TTC7A: variants seen among roughly 807,000 people sequenced by gnomAD.
TTC7A encodes the protein tetratricopeptide repeat domain 7A.
A neutral mutation model predicts 103.7 loss-of-function variants in TTC7A; 110 were observed. That is an observed-to-expected ratio of 1.06 (90% CI 0.91 to 1.24). The LOEUF (loss-of-function observed/expected upper bound fraction) is 1.24. TTC7A is among the 50% of genes most tolerant of loss of function. TTC7A has a pLI of 0.00. For missense variants in TTC7A, 1,340 were observed against 1,116.3 expected, an observed-to-expected ratio of 1.20 and a Z score of -2.86; for synonymous variants, 521 against 467.9, an observed-to-expected ratio of 1.11 and a Z score of -1.47.
At chr2:46,937,457 T>C (rs572029462), upstream of TTC7A, among the ~76,000 whole-genome samples, 10 of 152,296 alleles carry the variant, frequency 6.6e-5, no homozygotes, top group African/African-American at 2.4e-4. This position sits in a 1 kb window ranked among gnomAD's most constrained non-coding sequence, Gnocchi z 4.0. Context: ...TAAAAGACTC[T>C]TCAAGGCCTA....
intron 5 of TTC7A, among the ~76,000 whole-genome samples, chr2:46,984,546 C>G (rs759330160): frequency 6.6e-6 from 1 of 152,158 alleles, no homozygotes; most frequent in East Asian, 1.9e-4. Flanking sequence ...CATTGAGAGC[C>G]CCCCGACAGC....
At position 47,023,412 on chromosome 2, in the gene TTC7A, C is replaced by G; in HGVS notation, c.1515C>G (p.Thr505=). 1 of 1,613,982 alleles carries G rather than the reference C, an allele frequency of 6.2e-7. No homozygotes were observed. Among genetic ancestry groups the G allele is most frequent in the Non-Finnish European group, 8.5e-7 (1 of 1,179,986 alleles). ...LTYSLQATDA[T]LKSKQDELHR... is the part of the protein sequence containing the mutation. The stretch of plus-strand genomic sequence containing the variant: ...TTTCTGTCCTGTCCCCTGCAGCCAC[C>G]CTGAAGTCCAAGCAAGATGAATTGC... The change falls in exon 13 of 20, where the codon ACC becomes ACG. Residue 505 remains threonine, a synonymous_variant. Coordinates refer to ENST00000319190, the MANE Select transcript of TTC7A (RefSeq NM_020458.4).
At chr2:46,954,194 T>C (rs1671647823) in intron 2 of TTC7A, among the ~76,000 whole-genome samples, 1 of 152,342 alleles carries the variant, frequency 6.6e-6, no homozygotes, top group Middle Eastern at 3.4e-3. Flanking sequence ...TCTTTCCTCA[T>C]ACCTGGATAT....
intron 8 of TTC7A, chr2:46,999,744 C>A: frequency 1.0e-6 from 1 of 985,440 alleles, no homozygotes; most frequent in Non-Finnish European, 1.2e-6. Flanking sequence ...AGGAATCTTT[C>A]TTATTTCTGA....
At position 46,941,709 on chromosome 2, in the gene TTC7A, C is replaced by A. The variant is rs1670403655; in HGVS notation, c.168C>A (p.Phe56Leu). 4 of 1,550,542 alleles carry A rather than the reference C, an allele frequency of 2.6e-6. No homozygotes were observed. Among genetic ancestry groups the A allele is most frequent in the Non-Finnish European group, 3.5e-6 (4 of 1,147,266 alleles). ...GNRRGSPSAA[F>L]TFPDTDDFGK... ...GGCGAGGCAGCCCGAGCGCAGCGTT[C>A]ACCTTTCCGGACACCGGTGAGTAAG... The change falls in exon 1 of 20, where the codon TTC becomes TTA. Residue 56 changes from phenylalanine (F) to leucine (L), a missense_variant. Physicochemically the swap from Phe to Leu is conservative, Grantham distance 22. Coordinates refer to ENST00000319190, the MANE Select transcript of TTC7A (RefSeq NM_020458.4). The surrounding 1 kb of genome is among the most constrained non-coding windows in gnomAD (Gnocchi z 4.2).
intron 15 of TTC7A, among the ~76,000 whole-genome samples, chr2:47,038,393 A>T (rs1163782022): frequency 6.6e-6 from 1 of 152,204 alleles, no homozygotes; most frequent in Non-Finnish European, 1.5e-5. Context: ...GGTGCAGCCC[A>T]GGCTGGGGAC....
upstream of TTC7A, among the ~76,000 whole-genome samples, chr2:46,938,378 G>A (rs746748334): frequency 2.6e-5 from 4 of 151,512 alleles, no homozygotes; most frequent in Non-Finnish European, 4.4e-5. Context: ...TGGGTCATAC[G>A]CCTATCTAAT....
At chr2:47,045,510 T>C (rs567159059) in intron 15 of TTC7A, 4 of 152,282 alleles carry the variant, frequency 2.6e-5, no homozygotes, top group Non-Finnish European at 4.4e-5. Context: ...ACACTGGTCT[T>C]ACCTCAGAGG....
rs558664476 is a variant in TTC7A at position 47,035,488 on chromosome 2, G to C, written c.1802+6104G>C. 3.3e-5 allele frequency: 5 copies of C among 152,324 alleles called. No individual in the cohort carries two copies. In the East Asian group the frequency reaches 9.6e-4, roughly 29 times the overall value. The allele number at this position is 152,324 out of a possible 1,614,324, so 9.4% of individuals were successfully genotyped here. ...GAGTTGACATTCAGCATTTCCCTTC[G>C]TGGGTTGTCCCGTGAGAACCTCTGT... On this transcript the variant is annotated intron_variant, in intron 15 of 19. Transcript: ENST00000319190.
rs951430733 is a variant in TTC7A at position 47,075,208 on chromosome 2, T to A, written c.*1285T>A. ...CCAAGACAGCTGGTGCCTCCTGGCT[T>A]TCCTGTGCCAGGCCAAGGGGCACCA... On this transcript the variant is annotated 3_prime_UTR_variant, in exon 20 of 20. Transcript: ENST00000319190. 1 of 152,264 alleles carries A rather than the reference T, an allele frequency of 6.6e-6. No individual in the cohort carries two copies. Among genetic ancestry groups the A allele is most frequent in the African/African-American group, 2.4e-5 (1 of 41,468 alleles). The allele number at this position is 152,264 out of a possible 1,614,324, so 9.4% of individuals were successfully genotyped here.
intron 1 of TTC7A, among the ~76,000 whole-genome samples, chr2:46,948,240 A>T (rs1395585391): frequency 6.6e-6 from 1 of 152,010 alleles, no homozygotes; most frequent in Non-Finnish European, 1.5e-5. Flanking sequence ...CTGACTTCAA[A>T]CCCCACCCCT....
chr2:47,017,100 T>C (rs1170050938), intron 11 of TTC7A, among the ~76,000 whole-genome samples: 2 of 148,108 alleles, frequency 1.4e-5, no homozygotes, highest in East Asian at 4.0e-4. Flanking sequence ...CTCGGAAGGC[T>C]GAGGCAGGAA....
intron 8 of TTC7A, among the ~76,000 whole-genome samples, chr2:47,004,684 G>C (rs572040094): frequency 6.6e-6 from 1 of 151,806 alleles, no homozygotes. Flanking sequence ...GAGAAGGGAG[G>C]ATGCTGGGGG....
intron 15 of TTC7A, among the ~76,000 whole-genome samples, chr2:47,033,946 C>G (rs1192836366): frequency 6.6e-6 from 1 of 152,184 alleles, no homozygotes; most frequent in Non-Finnish European, 1.5e-5. Flanking sequence ...AGTCGCCACT[C>G]CCATACAGGC....
At chr2:47,056,458 CT>C (rs1683324044) in intron 18 of TTC7A, among the ~76,000 whole-genome samples, 1 of 152,202 alleles carries the variant, frequency 6.6e-6, no homozygotes, top group African/African-American at 2.4e-5. Context: ...CCCAGGCTCT[CT>C]GTACCCTGCT....
chr2:46,952,036 G>A (rs982101242), intron 2 of TTC7A, among the ~76,000 whole-genome samples: 3 of 152,212 alleles, frequency 2.0e-5, no homozygotes, highest in Non-Finnish European at 4.4e-5. Flanking sequence ...ATCTAGACAA[G>A]GTTGTAAAGG....
chr2:46,982,917 T>G (rs1033494794), intron 5 of TTC7A, among the ~76,000 whole-genome samples: 1 of 152,082 alleles, frequency 6.6e-6, no homozygotes, highest in Admixed American at 6.5e-5. Context: ...CAGTGAGCCA[T>G]GATCCCACCA....
chr2:47,053,543 T>TTGGTTGGTTGG (rs56072760), intron 18 of TTC7A, among the ~76,000 whole-genome samples: 1,670 of 140,210 alleles, frequency 0.012, 24 homozygotes, highest in South Asian at 0.03. Context: ...TGTTTGTTTG[T>TTGGTTGGTTGG]TTGGTTGGTT....
intron 3 of TTC7A, among the ~76,000 whole-genome samples, chr2:46,967,240 C>G (rs1434691194): frequency 6.6e-6 from 1 of 152,040 alleles, no homozygotes; most frequent in Non-Finnish European, 1.5e-5. Flanking sequence ...AATATACATA[C>G]CATAGAATTG....
Sources: allele counts gnomAD v4.1 joint callset (sites outside exome capture counted in the v4.1 genomes callset), GRCh38; gene constraint gnomAD v4.1.1; non-coding constraint Gnocchi (gnomAD v3.1); transcripts MANE v1.5; gene names NCBI Gene and HGNC (gene_info 2026-07-23, HGNC 2026-07-21).